FNDC3B: variants seen among roughly 807,000 people sequenced by gnomAD.
The protein encoded by FNDC3B is fibronectin type III domain-containing protein 3B.
Under a neutral mutation model 151.5 loss-of-function variants are expected in FNDC3B, and 12 were observed. The ratio of observed to expected loss-of-function variants is 0.08; its 90% confidence interval spans 0.05 to 0.13. The LOEUF (loss-of-function observed/expected upper bound fraction) is 0.13. FNDC3B is among the 10% of genes least tolerant of loss of function. The pLI is 1.00. For synonymous variants in FNDC3B, 528 were observed against 549.0 expected (o/e 0.96, Z 0.54); for missense variants, 1,214 against 1,505.3 (o/e 0.81, Z 3.20).
intron 3 of FNDC3B, among the ~76,000 whole-genome samples, chr3:172,189,799 TAAAAAAAAAAAAAAAAAAAA>T (rs60894339): frequency 2.4e-5 from 2 of 84,296 alleles, no homozygotes; most frequent in Non-Finnish European, 4.4e-5. Context: ...AGACCTTGTC[TAAAAAAAAAAAAAAAAAAAA>T]AAAAAAAAAA....
intron 3 of FNDC3B, among the ~76,000 whole-genome samples, chr3:172,140,587 C>T (rs1721575468): frequency 6.6e-6 from 1 of 152,188 alleles, no homozygotes; most frequent in African/African-American, 2.4e-5. Context: ...GGAAGTTTAC[C>T]AGCAGGTGGT....
At chr3:172,211,212 A>T (rs1252728063) in intron 3 of FNDC3B, among the ~76,000 whole-genome samples, 1 of 152,256 alleles carries the variant, frequency 6.6e-6, no homozygotes, top group East Asian at 1.9e-4. Flanking sequence ...TACAGTGCTG[A>T]TTGGAATACT....
Position 172,269,048 on chromosome 3 carries a change from G to T in FNDC3B, c.791-16878G>T, listed in dbSNP as rs549616513. The stretch of plus-strand genomic sequence containing the variant: ...TTTGTTTGTTTGAGCCATAGCATTC[G>T]TGGAAATATGTTGAAATCTTAAGTG... On this transcript the variant is annotated intron_variant, in intron 6 of 25. Transcript: ENST00000415807. Among the ~76,000 whole-genome samples the T allele has an allele frequency of 5.3e-5, 8 of 152,224 alleles. No homozygotes were observed. In the South Asian group the frequency reaches 1.7e-3, roughly 32 times the overall value.
intron 2 of FNDC3B, among the ~76,000 whole-genome samples, chr3:172,122,588 C>A (rs1720607096): frequency 6.6e-6 from 1 of 152,204 alleles, no homozygotes; most frequent in African/African-American, 2.4e-5. Context: ...GGGCCTTTTT[C>A]CTTAACAGGT....
chr3:172,387,973 C>A (rs998713935), intron 25 of FNDC3B, among the ~76,000 whole-genome samples: 1 of 152,194 alleles, frequency 6.6e-6, no homozygotes, highest in African/African-American at 2.4e-5. Flanking sequence ...GCAGGGGAGA[C>A]ACGGCGACAA....
chr3:172,335,507 T>C (rs1416424907), intron 15 of FNDC3B: 1 of 152,518 alleles, frequency 6.6e-6, no homozygotes. Flanking sequence ...ATATTGAAAA[T>C]AAATTTCAAA....
At chr3:172,223,423 C>A (rs1726389613) in intron 3 of FNDC3B, among the ~76,000 whole-genome samples, 2 of 152,280 alleles carry the variant, frequency 1.3e-5, no homozygotes, top group South Asian at 4.1e-4. Flanking sequence ...AAAGGGGGAA[C>A]AAGCATGTTA....
chr3:172,044,737 T>A (rs1326226679), intron 1 of FNDC3B, among the ~76,000 whole-genome samples: 1 of 152,200 alleles, frequency 6.6e-6, no homozygotes, highest in Non-Finnish European at 1.5e-5. Flanking sequence ...AGTGTCCTAG[T>A]GAGTGTGACA....
intron 9 of FNDC3B, among the ~76,000 whole-genome samples, chr3:172,299,645 A>G (rs1730802294): frequency 6.6e-6 from 1 of 151,948 alleles, no homozygotes; most frequent in African/African-American, 2.4e-5. Flanking sequence ...TTATATATGC[A>G]TACATAAAGA....
chr3:172,323,531 AC>A (rs1443521891), intron 11 of FNDC3B, among the ~76,000 whole-genome samples: 1 of 152,200 alleles, frequency 6.6e-6, no homozygotes, highest in African/African-American at 2.4e-5. Context: ...ACACACACAC[AC>A]AAAAAGTAGA....
At chr3:172,091,495 T>A (rs1718822586) in intron 1 of FNDC3B, among the ~76,000 whole-genome samples, 1 of 151,878 alleles carries the variant, frequency 6.6e-6, no homozygotes, top group Non-Finnish European at 1.5e-5. Flanking sequence ...ATTTTAAAAA[T>A]AGATTTAGAG....
intron 4 of FNDC3B, among the ~76,000 whole-genome samples, chr3:172,239,353 C>T (rs1000819566): frequency 6.6e-6 from 1 of 152,156 alleles, no homozygotes; most frequent in African/African-American, 2.4e-5. Context: ...TTATCTGAGA[C>T]ATCTTCTCTT....
chr3:172,199,515 C>A (rs1725030036), intron 3 of FNDC3B, among the ~76,000 whole-genome samples: 1 of 152,178 alleles, frequency 6.6e-6, no homozygotes, highest in African/African-American at 2.4e-5. Flanking sequence ...TTGAACTTAC[C>A]AAGGAAAATG....
At chr3:172,130,097 G>C (rs973586867) in intron 2 of FNDC3B, among the ~76,000 whole-genome samples, 1 of 152,136 alleles carries the variant, frequency 6.6e-6, no homozygotes, top group Non-Finnish European at 1.5e-5. Flanking sequence ...TCGGGGCTGC[G>C]TGATGCAAGA....
intron 1 of FNDC3B, among the ~76,000 whole-genome samples, chr3:172,049,135 A>C (rs1239690958): frequency 6.6e-6 from 1 of 152,224 alleles, no homozygotes; most frequent in African/African-American, 2.4e-5. Flanking sequence ...ACAATTAAAA[A>C]ATGCAAAAGT....
intron 3 of FNDC3B, among the ~76,000 whole-genome samples, chr3:172,170,684 G>T (rs537487643): frequency 1.2e-3 from 179 of 152,296 alleles, no homozygotes; most frequent in African/African-American, 4.2e-3. Flanking sequence ...AAATAGGGTT[G>T]TATATTGTTT....
Position 172,392,810 on chromosome 3 carries a change from C to CTTTTTTTTTT in FNDC3B, c.3304-4351_3304-4342dup, listed in dbSNP as rs1167627679. On this transcript the variant is annotated intron_variant, in intron 25 of 25. Transcript: ENST00000415807. ...GAATGAATTTTTTCTTTTTTTTTTT[C>CTTTTTTTTTT]TTTTTTTTTTTTCAGACAGAGAGTA... 8.6e-3 allele frequency among the ~76,000 whole-genome samples: 861 copies of CTTTTTTTTTT among 99,798 alleles called. 4 individuals carry two copies. Among genetic ancestry groups the CTTTTTTTTTT allele is most frequent in the South Asian group, 0.036 (91 of 2,518 alleles). The allele number at this position is 99,798 out of a possible 152,430, so 65.5% of individuals were successfully genotyped here.
At chr3:172,206,684 A>AAAAAAAAAAAAG (rs1553772985) in intron 3 of FNDC3B, among the ~76,000 whole-genome samples, 3 of 139,538 alleles carry the variant, frequency 2.1e-5, no homozygotes, top group Admixed American at 7.0e-5. Flanking sequence ...AAAAAAAAAA[A>AAAAAAAAAAAAG]AAAGTATATT....
intron 3 of FNDC3B, among the ~76,000 whole-genome samples, chr3:172,153,926 G>A (rs564751804): frequency 6.6e-6 from 1 of 152,284 alleles, no homozygotes; most frequent in South Asian, 2.1e-4. Flanking sequence ...TAGAGTTTGT[G>A]TCTTGGTGGA....
Sources: allele counts gnomAD v4.1 joint callset (sites outside exome capture counted in the v4.1 genomes callset), GRCh38; gene constraint gnomAD v4.1.1; transcripts MANE v1.5; gene names NCBI Gene and HGNC (gene_info 2026-07-23, HGNC 2026-07-21).